The following CALN1 variants were observed in gnomAD, a reference collection of about 807,000 sequenced individuals.
The protein encoded by CALN1 is calcium-binding protein 8.
CALN1 carries 17 observed loss-of-function variants against 30.6 expected under a neutral mutation model. That is an observed-to-expected ratio of 0.56 (90% CI 0.38 to 0.83). CALN1 has a LOEUF of 0.83. Ranked by LOEUF, CALN1 falls within the 40% of genes least tolerant of loss-of-function variation. CALN1 has a pLI of 0.00. For synonymous variants in CALN1, 156 were observed against 131.4 expected (o/e 1.19, Z -1.28); for missense variants, 291 against 354.9 (o/e 0.82, Z 1.45).
intron 5 of CALN1, among the ~76,000 whole-genome samples, chr7:71,894,588 C>T (rs1793435703): frequency 6.6e-6 from 1 of 152,126 alleles, no homozygotes; most frequent in Non-Finnish European, 1.5e-5. Flanking sequence ...TTATTTTCTT[C>T]AAGGTCTTAA....
chr7:72,012,561 T>A (rs1584742343), intron 5 of CALN1, among the ~76,000 whole-genome samples: 1 of 152,336 alleles, frequency 6.6e-6, no homozygotes, highest in Non-Finnish European at 1.5e-5. Flanking sequence ...TTTTTTGTGA[T>A]CATAAAATCA....
At chr7:72,399,245 C>T (rs1415717756) in intron 2 of CALN1, among the ~76,000 whole-genome samples, 4 of 150,224 alleles carry the variant, frequency 2.7e-5, no homozygotes, top group Non-Finnish European at 5.9e-5. Context: ...TCTACAGTCC[C>T]CAGCCGGTTT....
chr7:72,027,731 ACAC>A (rs1562989227), intron 4 of CALN1, among the ~76,000 whole-genome samples: 1,527 of 140,450 alleles, frequency 0.011, 16 homozygotes, highest in East Asian at 0.014. Context: ...AAACAAACAC[ACAC>A]ACACACACAC....
chr7:72,051,663 C>G (rs889856328), intron 4 of CALN1, among the ~76,000 whole-genome samples: 1 of 152,152 alleles, frequency 6.6e-6, no homozygotes, highest in African/African-American at 2.4e-5. Context: ...AAAGCTGGAA[C>G]TGGAAAATCT....
At chr7:71,829,334 A>G (rs1789123038) in intron 5 of CALN1, among the ~76,000 whole-genome samples, 1 of 152,138 alleles carries the variant, frequency 6.6e-6, no homozygotes, top group Non-Finnish European at 1.5e-5. Context: ...AAAGCCACCA[A>G]AGGGCATGGA....
rs1211323038 is a variant in CALN1 at position 72,410,574 on chromosome 7, C to CA, written c.-74+1483dup. Among the ~76,000 whole-genome samples the CA allele has an allele frequency of 2.4e-4, 37 of 152,180 alleles. 1 individual carries two copies. The highest frequency in any genetic ancestry group is 1.5e-5 in the Non-Finnish European group (1 of 68,028). The stretch of plus-strand genomic sequence containing the variant: ...CTGAAATGAGCTTTTCAAATCAGCT[C>CA]AATTCTTCTGCAAGTGAGACTTCTC... On this transcript the variant is annotated intron_variant, in intron 1 of 6. Transcript: ENST00000395275.
intron 4 of CALN1, among the ~76,000 whole-genome samples, chr7:72,034,128 C>T (rs7797461): frequency 0.016 from 2,418 of 151,068 alleles, 32 homozygotes; most frequent in Middle Eastern, 0.046. Context: ...CCGAGGTGGG[C>T]GTATCACAAG....
chr7:72,056,192 A>G lies in CALN1; in HGVS notation c.389-32423T>C, dbSNP rs145073578. Among the ~76,000 whole-genome samples the G allele has an allele frequency of 2.6e-4, 40 of 152,368 alleles. No homozygotes were observed. The East Asian group carries it at 3.9e-3, about 15-fold the overall frequency. ...GAATGGATATGTTTAATGCAATTTCAGGATAAATCCCTATGGAATTTTTTT... is the reference window on the plus strand; with the variant it reads ...GAATGGATATGTTTAATGCAATTTCGGGATAAATCCCTATGGAATTTTTTT... On this transcript the variant is annotated intron_variant, in intron 4 of 6. Transcript: ENST00000395275.
At chr7:71,994,904 G>C (rs1303668232) in intron 5 of CALN1, among the ~76,000 whole-genome samples, 1 of 148,434 alleles carries the variant, frequency 6.7e-6, no homozygotes, top group Non-Finnish European at 1.5e-5. Flanking sequence ...CCAGGCTGGA[G>C]TGCAGTGGCG....
intron 3 of CALN1, among the ~76,000 whole-genome samples, chr7:72,271,831 G>A (rs1050016042): frequency 2.0e-5 from 3 of 151,610 alleles, no homozygotes; most frequent in African/African-American, 7.3e-5. Flanking sequence ...GGAGGCTGAG[G>A]CAGGCAGATC....
At chr7:72,254,305 A>AT (rs1298564258) in intron 3 of CALN1, among the ~76,000 whole-genome samples, 1 of 152,208 alleles carries the variant, frequency 6.6e-6, no homozygotes, top group African/African-American at 2.4e-5. Context: ...TTTGTTGCAC[A>AT]TAATTTGCTC....
chr7:72,450,711 C>A (rs1808640777), upstream of CALN1, among the ~76,000 whole-genome samples: 1 of 151,898 alleles, frequency 6.6e-6, no homozygotes, highest in Non-Finnish European at 1.5e-5. Flanking sequence ...AAAACTCCAT[C>A]TCTACTAAAA....
At chr7:72,258,907 A>AAAAG (rs1038076891) in intron 3 of CALN1, among the ~76,000 whole-genome samples, 14 of 148,762 alleles carry the variant, frequency 9.4e-5, no homozygotes, top group Admixed American at 4.1e-4. Context: ...TAAAAAAAAA[A>AAAAG]AAAGAAAGAA....
chr7:71,792,381 A>G (rs888358491), intron 6 of CALN1, among the ~76,000 whole-genome samples: 1 of 152,086 alleles, frequency 6.6e-6, no homozygotes, highest in Non-Finnish European at 1.5e-5. Flanking sequence ...TCATCTCATT[A>G]TCTTTATTCC....
intron 5 of CALN1, among the ~76,000 whole-genome samples, chr7:72,002,323 A>G (rs960894803): frequency 6.6e-6 from 1 of 152,242 alleles, no homozygotes; most frequent in Non-Finnish European, 1.5e-5. Context: ...ATGTTAGCAT[A>G]CAGTTGGACA....
intron 2 of CALN1, among the ~76,000 whole-genome samples, chr7:72,342,789 A>G (rs770826966): frequency 6.6e-5 from 10 of 152,152 alleles, no homozygotes; most frequent in Non-Finnish European, 1.3e-4. Context: ...TCAAGTGCCC[A>G]AGACACCCAA....
chr7:72,451,851 A>AG (rs540457650), upstream of CALN1, among the ~76,000 whole-genome samples: 4 of 152,146 alleles, frequency 2.6e-5, no homozygotes, highest in Admixed American at 2.6e-4. Flanking sequence ...GAATTAAAAA[A>AG]AAAAAATCAG....
chr7:72,247,312 G>A (rs1350059906), intron 3 of CALN1, among the ~76,000 whole-genome samples: 8 of 125,534 alleles, frequency 6.4e-5, no homozygotes, highest in South Asian at 5.3e-4. Context: ...GCAGTGGCGC[G>A]ACGTTGGCTC....
At chr7:72,242,697 G>A (rs773162052) in intron 3 of CALN1, among the ~76,000 whole-genome samples, 1 of 152,080 alleles carries the variant, frequency 6.6e-6, no homozygotes, top group Non-Finnish European at 1.5e-5. Flanking sequence ...AGACCAGCCT[G>A]TCCAACATGG....
Sources: allele counts gnomAD v4.1 joint callset (sites outside exome capture counted in the v4.1 genomes callset), GRCh38; gene constraint gnomAD v4.1.1; transcripts MANE v1.5; gene names NCBI Gene and HGNC (gene_info 2026-07-23, HGNC 2026-07-21).